B3GALT1: variants seen among roughly 807,000 people sequenced by gnomAD.
B3GALT1 encodes beta-1,3-galactosyltransferase 1.
Under a neutral mutation model 23.2 loss-of-function variants are expected in B3GALT1, and 10 were observed. The observed-to-expected ratio is 0.43, with a 90% CI of 0.27 to 0.73. The LOEUF (loss-of-function observed/expected upper bound fraction) is 0.73, where lower values mean the gene tolerates loss of function less well. B3GALT1 is among the 30% of genes least tolerant of loss of function. The pLI is 0.21. For missense variants in B3GALT1, 299 were observed against 405.4 expected (o/e 0.74, Z 2.25); for synonymous variants, 156 against 141.5 (o/e 1.10, Z -0.73).
chr2:167,708,150 C>T (rs2105515781), intron 3 of B3GALT1, among the ~76,000 whole-genome samples: 1 of 152,336 alleles, frequency 6.6e-6, no homozygotes, highest in Middle Eastern at 3.4e-3. Flanking sequence ...TACAATTTCT[C>T]TCCTTTCCTT....
At chr2:167,824,198 A>G (rs915848115) in intron 4 of B3GALT1, among the ~76,000 whole-genome samples, 1 of 152,238 alleles carries the variant, frequency 6.6e-6, no homozygotes, top group African/African-American at 2.4e-5. Context: ...CTAGAAAGCA[A>G]GGGGAAAACT....
At chr2:167,709,883 A>T (rs1293717967) in intron 3 of B3GALT1, among the ~76,000 whole-genome samples, 4 of 152,190 alleles carry the variant, frequency 2.6e-5, no homozygotes, top group Non-Finnish European at 5.9e-5. Context: ...TCTTGTGAGG[A>T]TTAAATAAGT....
intron 1 of B3GALT1, among the ~76,000 whole-genome samples, chr2:167,489,086 G>A (rs1699666431): frequency 6.6e-6 from 1 of 152,066 alleles, no homozygotes; most frequent in Admixed American, 6.6e-5. Context: ...ATTGTTAGAA[G>A]TAGAGTTCAG....
chr2:167,371,122 A>G (rs1697677522), intron 1 of B3GALT1, among the ~76,000 whole-genome samples: 1 of 152,148 alleles, frequency 6.6e-6, no homozygotes. Context: ...CTATTACAAA[A>G]TTTCTACTCA....
chr2:167,766,882 C>T (rs767971563), intron 3 of B3GALT1, among the ~76,000 whole-genome samples: 1 of 152,152 alleles, frequency 6.6e-6, no homozygotes, highest in Non-Finnish European at 1.5e-5. Context: ...TAAGCATCGC[C>T]CCAAAAACTG....
chr2:167,727,731 G>A (rs147255624), intron 3 of B3GALT1, among the ~76,000 whole-genome samples: 78 of 152,140 alleles, frequency 5.1e-4, no homozygotes, highest in African/African-American at 1.8e-3. Context: ...CTCATAACAG[G>A]CTCTTTATCA....
chr2:167,786,150 C>T (rs1334119701), intron 3 of B3GALT1, among the ~76,000 whole-genome samples: 1 of 152,100 alleles, frequency 6.6e-6, no homozygotes, highest in African/African-American at 2.4e-5. Flanking sequence ...ATCTGTTGAC[C>T]CTAGACCATT....
chr2:167,670,624 G>A (rs748270760), intron 3 of B3GALT1, among the ~76,000 whole-genome samples: 7 of 152,098 alleles, frequency 4.6e-5, no homozygotes, highest in Non-Finnish European at 1.0e-4. Flanking sequence ...AGAAAGTTTA[G>A]CAAGCTATAA....
chr2:167,636,669 G>A (rs1039350344), intron 2 of B3GALT1, among the ~76,000 whole-genome samples: 8 of 152,050 alleles, frequency 5.3e-5, no homozygotes, highest in East Asian at 3.9e-4. Flanking sequence ...AAAAGGATAC[G>A]TTCATGTCTT....
intron 2 of B3GALT1, among the ~76,000 whole-genome samples, chr2:167,615,542 G>T (rs1443011226): frequency 1.3e-5 from 2 of 151,996 alleles, no homozygotes; most frequent in Non-Finnish European, 2.9e-5. Context: ...AGATTTTAAT[G>T]TTCTCACTAC....
At position 167,833,587 on chromosome 2, in the gene B3GALT1, G is replaced by A. The variant is rs371649442; in HGVS notation, c.-230+14794G>A. Among the ~76,000 whole-genome samples, 45 of 152,268 alleles carry A rather than the reference G, an allele frequency of 3.0e-4. No homozygotes were observed. In the South Asian group the frequency reaches 5.4e-3, roughly 18 times the overall value. On this transcript the variant is annotated intron_variant, in intron 4 of 4. Transcript: ENST00000392690. ...CTGGGCAATAACAGAAAAACTACGC[G>A]TGATGTAAATTCTTCTTTTCTCCCA...
At chr2:167,795,005 T>C (rs999742559) in intron 3 of B3GALT1, among the ~76,000 whole-genome samples, 2 of 152,200 alleles carry the variant, frequency 1.3e-5, no homozygotes, top group Admixed American at 6.5e-5. Context: ...TCTTTCTGAT[T>C]GCAAACAATT....
intron 1 of B3GALT1, among the ~76,000 whole-genome samples, chr2:167,481,850 C>T (rs1699566597): frequency 6.6e-6 from 1 of 152,098 alleles, no homozygotes; most frequent in Admixed American, 6.6e-5. Context: ...GTTACATGCC[C>T]AAAAGAGTTA....
chr2:167,308,670 T>C (rs1156738579), intron 1 of B3GALT1, among the ~76,000 whole-genome samples: 1 of 151,988 alleles, frequency 6.6e-6, no homozygotes, highest in Non-Finnish European at 1.5e-5. Flanking sequence ...TTCTAAGATT[T>C]TTTTTAAAAG....
chr2:167,781,980 C>T (rs1388383494), intron 3 of B3GALT1, among the ~76,000 whole-genome samples: 1 of 152,078 alleles, frequency 6.6e-6, no homozygotes, highest in Non-Finnish European at 1.5e-5. Flanking sequence ...TGAGCTCAAG[C>T]GATCTGCCCG....
chr2:167,845,065 A>G (rs898737010), intron 4 of B3GALT1, among the ~76,000 whole-genome samples: 2 of 152,028 alleles, frequency 1.3e-5, no homozygotes, highest in Non-Finnish European at 2.9e-5. Context: ...TCTCACCCCC[A>G]TCCCCCACAG....
At chr2:167,466,879 A>ATTT (rs567975404) in intron 1 of B3GALT1, among the ~76,000 whole-genome samples, 25 of 85,048 alleles carry the variant, frequency 2.9e-4, no homozygotes, top group African/African-American at 9.3e-4. Flanking sequence ...CGCCTGGCTA[A>ATTT]TTTTTTTTTT....
intron 2 of B3GALT1, among the ~76,000 whole-genome samples, chr2:167,567,381 C>G (rs948105556): frequency 2.6e-5 from 4 of 151,982 alleles, no homozygotes; most frequent in African/African-American, 9.7e-5. Context: ...TTTTGATAAT[C>G]CAAGGCCATC....
At chr2:167,816,443 CTT>C (rs879493755) in intron 3 of B3GALT1, among the ~76,000 whole-genome samples, 6 of 144,904 alleles carry the variant, frequency 4.1e-5, no homozygotes, top group African/African-American at 5.0e-5. Flanking sequence ...TTTTCCACAC[CTT>C]TTTTTTTTTG....
Sources: allele counts gnomAD v4.1 joint callset (sites outside exome capture counted in the v4.1 genomes callset), GRCh38; gene constraint gnomAD v4.1.1; transcripts MANE v1.5; gene names NCBI Gene and HGNC (gene_info 2026-07-23, HGNC 2026-07-21).